ANKRD46: variants seen among roughly 807,000 people sequenced by gnomAD.
ANKRD46 encodes ankyrin repeat domain-containing protein 46.
In ANKRD46, 13 loss-of-function variants were observed where a neutral mutation model predicts 19.8. The ratio of observed to expected loss-of-function variants is 0.66; its 90% CI spans 0.43 to 1.04. The LOEUF is 1.04. ANKRD46 is among the 50% of genes least tolerant of loss of function. The pLI is 0.00. For missense variants in ANKRD46, 185 were observed against 274.8 expected, an observed-to-expected ratio of 0.67 and a Z score of 2.31; for synonymous variants, 91 against 106.9, an observed-to-expected ratio of 0.85 and a Z score of 0.92.
chr8:100,554,141 A>T (rs1217320365), intron 1 of ANKRD46, among the ~76,000 whole-genome samples: 1 of 152,236 alleles, frequency 6.6e-6, no homozygotes, highest in Non-Finnish European at 1.5e-5. Flanking sequence ...TCCATTTTAA[A>T]ATCAAATTGG....
At chr8:100,538,936 C>A (rs542751464) in intron 1 of ANKRD46, among the ~76,000 whole-genome samples, 1 of 152,212 alleles carries the variant, frequency 6.6e-6, no homozygotes, top group South Asian at 2.1e-4. Flanking sequence ...TTCCTTAGCA[C>A]ATTAAAAAAG....
In ANKRD46 at chr8:100,514,617, C is replaced by T. The variant is rs201982912; in HGVS notation, c.637-3978G>A. Among the ~76,000 whole-genome samples, 541 of 74,070 alleles carry T rather than the reference C, an allele frequency of 7.3e-3. 7 individuals are homozygous for T. The highest frequency in any genetic ancestry group is 0.026 in the African/African-American group (472 of 17,868). 48.6% of individuals were successfully genotyped at this position (74,070 alleles called of 152,430 possible). ...TGAGTGTGGGTTATTCCTCCATCTT[C>T]TTTTTTTTTTTTTTTTTTTTTTGAG... is the stretch of plus-strand genomic sequence containing the variant. On this transcript the variant is annotated intron_variant, in intron 5 of 5. Transcript: ENST00000520552.
rs569943537 is a variant in ANKRD46 at position 100,543,799 on chromosome 8, A to G, written c.-130-10488T>C. Among the ~76,000 whole-genome samples, 1 of 152,312 alleles carries G rather than the reference A, an allele frequency of 6.6e-6. No homozygotes were observed. Among genetic ancestry groups the G allele is most frequent in the East Asian group, 1.9e-4 (1 of 5,190 alleles). ...GGTAGCTATTAAATTTACCACTAAT[A>G]TATCTGCATGTCTTCTTCAGTGATA... is the stretch of plus-strand genomic sequence containing the variant. On this transcript the variant is annotated intron_variant, in intron 1 of 4. Coordinates refer to ENST00000335659, the MANE Select transcript of ANKRD46 (RefSeq NM_001270377.2). This position sits in a 1 kb window ranked among gnomAD's most constrained non-coding sequence, Gnocchi z 4.2.
chr8:100,522,329 A>C lies in ANKRD46; in HGVS notation c.*226T>G, dbSNP rs1811740243. 7.4e-7 allele frequency: 1 copy of C among 1,353,570 alleles called. No individual in the cohort carries two copies. Among genetic ancestry groups the C allele is most frequent in the African/African-American group, 1.5e-5 (1 of 68,324 alleles). The allele number at this position is 1,353,570 out of a possible 1,614,324, so 83.8% of individuals were successfully genotyped here. ...AGGCTACGTGTAGGCTTTCCTACAA[A>C]GTCAGGTTGAGTCAGAGGTAGCGTT... is the stretch of plus-strand genomic sequence containing the variant. On this transcript the variant is annotated 3_prime_UTR_variant, in exon 5 of 5. Transcript: ENST00000335659.
chr8:100,520,766 T>C (rs1215539246), downstream of ANKRD46: 27 of 593,368 alleles, frequency 4.6e-5, no homozygotes, highest in Admixed American at 1.8e-4. Flanking sequence ...AAAAGAGAAA[T>C]CGTGATTAAG....
rs1470399592 is a variant in ANKRD46, at chr8:100,510,488, A to G, written c.*89T>C. On this transcript the variant is annotated 3_prime_UTR_variant, in exon 6 of 6. Transcript: ENST00000520552. The surrounding 1 kb of genome is among the most constrained non-coding windows in gnomAD (Gnocchi z 4.9). ...TGCTCCATGACACAAGTCGTGACGG[A>G]AACAGCCCCACCCAACAGGGACGCT... is the stretch of plus-strand genomic sequence containing the variant. The G allele has an allele frequency of 3.1e-6, 4 of 1,305,642 alleles. No homozygotes were observed. The highest frequency in any genetic ancestry group is 4.2e-6 in the Non-Finnish European group (4 of 958,130). 80.9% of individuals were successfully genotyped at this position (1,305,642 alleles called of 1,614,324 possible). A position where few individuals can be genotyped will look rare whatever the true frequency, so the allele number is the denominator to read the frequency against.
downstream of ANKRD46, among the ~76,000 whole-genome samples, chr8:100,516,417 C>G (rs866218086): frequency 1.3e-5 from 2 of 152,158 alleles, no homozygotes; most frequent in Non-Finnish European, 2.9e-5. Context: ...AAGGTCAATA[C>G]ATTTTCTGCT....
intron 1 of ANKRD46, among the ~76,000 whole-genome samples, chr8:100,553,257 A>G (rs1224390338): frequency 6.6e-6 from 1 of 152,276 alleles, no homozygotes; most frequent in Non-Finnish European, 1.5e-5. Flanking sequence ...TTTAAAAAAA[A>G]TCAGCATTAA....
At chr8:100,514,248 G>T (rs906138373) in intron 5 of ANKRD46, among the ~76,000 whole-genome samples, 1 of 152,134 alleles carries the variant, frequency 6.6e-6, no homozygotes, top group African/African-American at 2.4e-5. Flanking sequence ...CCATAAAATT[G>T]TAAATGTACA....
rs1249765491 is a variant in ANKRD46, at chr8:100,546,480, G to A, written c.-130-13169C>T. On this transcript the variant is annotated intron_variant, in intron 1 of 4. Transcript: ENST00000335659. This position sits in a 1 kb window ranked among gnomAD's most constrained non-coding sequence, Gnocchi z 4.0. ...GGGCCTGTAGGTGTGCAGAAGACAGGAGTTGAGCTTTGGGAACCTCTGCCT... is the reference window on the plus strand; with the variant it reads ...GGGCCTGTAGGTGTGCAGAAGACAGAAGTTGAGCTTTGGGAACCTCTGCCT... 6.6e-6 allele frequency among the ~76,000 whole-genome samples: 1 copy of A among 152,252 alleles called. No individual in the cohort carries two copies. The highest frequency in any genetic ancestry group is 1.5e-5 in the Non-Finnish European group (1 of 68,038).
rs1161061674 is a variant in ANKRD46, at chr8:100,522,094, C to T, written c.*461G>A. On this transcript the variant is annotated 3_prime_UTR_variant, in exon 5 of 5. Transcript: ENST00000335659. ...TTGAAAAAAGTACTTCAAGTTTTAT[C>T]TCTTATCCCTAGAGAAAGTAAATAA... The T allele has an allele frequency of 3.0e-6, 3 of 987,984 alleles. No homozygotes were observed. In the African/African-American group the frequency reaches 5.2e-5, roughly 17 times the overall value. The allele number at this position is 987,984 out of a possible 1,614,324, so 61.2% of individuals were successfully genotyped here.
Position 100,522,735 on chromosome 8 carries a change from C to G in ANKRD46, c.507G>C (p.Leu169=). The G allele has an allele frequency of 6.2e-7, 1 of 1,613,990 alleles. No homozygotes were observed. Among genetic ancestry groups the G allele is most frequent in the East Asian group, 2.2e-5 (1 of 44,878 alleles). Residue 169 remains leucine (L), a synonymous_variant, in exon 5 of 5, where the codon CTG becomes CTC. Coordinates refer to ENST00000335659, the MANE Select transcript of ANKRD46 (RefSeq NM_001270377.2). ...TGGAGAGGACTCCTTCACCTTGCTGCAGGTTGGGATTGAGGAGTGAATGGC... is the reference window on the plus strand; with the variant it reads ...TGGAGAGGACTCCTTCACCTTGCTGGAGGTTGGGATTGAGGAGTGAATGGC... ...MESHSLLNPN[L]QQGEGVLSSF... is the part of the protein sequence containing the mutation.
At chr8:100,552,259 A>G (rs749380243) in intron 1 of ANKRD46, among the ~76,000 whole-genome samples, 1 of 151,570 alleles carries the variant, frequency 6.6e-6, no homozygotes, top group Non-Finnish European at 1.5e-5. Flanking sequence ...TTCGTCTGAG[A>G]TCAGATATTG....
chr8:100,534,259 T>C lies in ANKRD46; in HGVS notation c.-130-948A>G, dbSNP rs1425804675. On this transcript the variant is annotated intron_variant, in intron 1 of 4. Coordinates refer to ENST00000335659, the MANE Select transcript of ANKRD46 (RefSeq NM_001270377.2). The surrounding 1 kb of genome is among the most constrained non-coding windows in gnomAD (Gnocchi z 4.2). ...CAAAGCTCCATTTACAATATGTAAG[T>C]CAGGTTGTATCATAAAGGCTATCAG... Among the ~76,000 whole-genome samples the C allele has an allele frequency of 6.6e-6, 1 of 152,214 alleles. No homozygotes were observed. Among genetic ancestry groups the C allele is most frequent in the Non-Finnish European group, 1.5e-5 (1 of 68,036 alleles).
intron 1 of ANKRD46, chr8:100,554,526 C>G (rs920727924): frequency 3.3e-5 from 5 of 152,182 alleles, no homozygotes; most frequent in African/African-American, 1.2e-4. Context: ...CCAGACCAGC[C>G]TGGGCAACAT....
chr8:100,553,374 T>C (rs567089657), intron 1 of ANKRD46, among the ~76,000 whole-genome samples: 2 of 152,280 alleles, frequency 1.3e-5, no homozygotes, highest in South Asian at 4.2e-4. Context: ...TGACTGATAG[T>C]AGGACTAAAA....
rs1224460973 is a variant in ANKRD46, at chr8:100,522,545, A to G, written c.*10T>C. The G allele has an allele frequency of 6.2e-7, 1 of 1,613,794 alleles. No individual in the cohort carries two copies. The highest frequency in any genetic ancestry group is 8.5e-7 in the Non-Finnish European group (1 of 1,179,786). On this transcript the variant is annotated 3_prime_UTR_variant, in exon 5 of 5. Transcript: ENST00000335659. ...CAGGCAATTAATTGCCTCATCTTCC[A>G]TGAGCTCCTTTAATGCACCAGTTCA...
Position 100,511,206 on chromosome 8 carries a change from T to C in ANKRD46, c.637-567A>G, listed in dbSNP as rs1262352623. On this transcript the variant is annotated intron_variant, in intron 5 of 5. Coordinates refer to the ANKRD46 transcript ENST00000520552. This position sits in a 1 kb window ranked among gnomAD's most constrained non-coding sequence, Gnocchi z 4.1. ...ATGAGCTGAGTCAGGAATATCCCCA[T>C]TGAACAGATGGTGTACCTAAGGCTA... 1.3e-5 allele frequency among the ~76,000 whole-genome samples: 2 copies of C among 152,186 alleles called. No homozygotes were observed. Among genetic ancestry groups the C allele is most frequent in the African/African-American group, 2.4e-5 (1 of 41,440 alleles).
chr8:100,549,043 C>A (rs1431892843), intron 1 of ANKRD46, among the ~76,000 whole-genome samples: 22 of 147,252 alleles, frequency 1.5e-4, no homozygotes, highest in Admixed American at 2.7e-4. Context: ...AAGATTTACC[C>A]AGAAATGAAA....
Sources: gnomAD v4.1 joint callset for allele counts (sites outside exome capture counted in the v4.1 genomes callset) on GRCh38, gnomAD v4.1.1 for gene constraint, Gnocchi (gnomAD v3.1) non-coding constraint, MANE v1.5 for transcripts, NCBI Gene and HGNC (gene_info 2026-07-23, HGNC 2026-07-21) for gene names.